PLA2G4F: variants seen among roughly 807,000 people sequenced by gnomAD.
The protein encoded by PLA2G4F is cytosolic phospholipase A2 zeta.
Under a neutral mutation model 103.1 loss-of-function variants are expected in PLA2G4F, and 105 were observed. That is an observed-to-expected ratio of 1.02 (90% CI 0.87 to 1.20). The LOEUF is 1.20. Among genes scored for constraint, PLA2G4F ranks in the 50% most tolerant of loss-of-function variants. PLA2G4F has a pLI of 0.00. For missense variants in PLA2G4F, 1,155 were observed against 1,075.9 expected, an observed-to-expected ratio of 1.07 and a Z score of -1.03; for synonymous variants, 468 against 441.1, an observed-to-expected ratio of 1.06 and a Z score of -0.76.
intron 5 of PLA2G4F, 39 bp downstream of exon 5, chr15:42,153,581 C>A (rs371489882): frequency 6.2e-7 from 1 of 1,611,652 alleles, no homozygotes; most frequent in African/African-American, 1.3e-5. Flanking sequence ...TGACTCAAAT[C>A]TCTGAGTCTC....
chr15:42,150,690 G>A lies in PLA2G4F; in HGVS notation c.689C>T (p.Pro230Leu). 1 of 1,613,738 alleles carries A rather than the reference G, an allele frequency of 6.2e-7. No homozygotes were observed. Among genetic ancestry groups the A allele is most frequent in the Non-Finnish European group, 8.5e-7 (1 of 1,179,890 alleles). Residue 230 changes from proline (P) to leucine (L), a missense_variant, in exon 8 of 20, where the codon CCA (proline) becomes CTA (leucine). Physicochemically the swap from Pro to Leu is moderately conservative, Grantham distance 98. Transcript: ENST00000397272. ...GTTCACGTGGAAGGTAAAGGTGGGT[G>A]GGAGGCCTGGCTCTGTGGGAGGCTG... Reference protein sequence around the residue: ...PLQPPTEPGLPPTFTFHVNPV... With the variant: ...PLQPPTEPGLLPTFTFHVNPV...
At chr15:42,154,598 A>C in intron 2 of PLA2G4F, 140 bp from the exon 3 acceptor site, 1 of 947,732 alleles carries the variant, frequency 1.1e-6, no homozygotes, top group South Asian at 2.1e-5. Context: ...GAGGAGGTGG[A>C]GGGAGAGCCT....
At chr15:42,156,168 C>T (rs990304704) in intron 1 of PLA2G4F, among the ~76,000 whole-genome samples, 6 of 152,182 alleles carry the variant, frequency 3.9e-5, no homozygotes, top group African/African-American at 1.4e-4. Flanking sequence ...ACCCCACCAG[C>T]TCCGTGGACT....
chr15:42,145,812 T>C lies in PLA2G4F; in HGVS notation c.1626A>G (p.Gly542=). Residue 542 remains glycine (G), a synonymous_variant, in exon 15 of 20, where the codon GGA becomes GGG. Transcript: ENST00000397272. ...TELFGSELFM[G]RLLQLQPEPR... is the part of the protein sequence containing the mutation. ...GTTCAGGCTGGAGCTGCAGCAATCG[T>C]CCCATGAAGAGTTCTGAGCCGAAGA... 1 of 1,613,974 alleles carries C rather than the reference T, an allele frequency of 6.2e-7. No homozygotes were observed. Among genetic ancestry groups the C allele is most frequent in the Non-Finnish European group, 8.5e-7 (1 of 1,179,992 alleles).
intron 10 of PLA2G4F, 71 bp from the exon 11 acceptor site, chr15:42,149,919 C>T (rs750804470): frequency 5.7e-6 from 9 of 1,569,522 alleles, no homozygotes; most frequent in Admixed American, 5.0e-5. Flanking sequence ...GCCTTGGGCC[C>T]AGCCCAGGTC....
rs376799222 is a variant in PLA2G4F at position 42,144,105 on chromosome 15, A to G, written c.2015T>C (p.Met672Thr). 4.3e-6 allele frequency: 7 copies of G among 1,613,686 alleles called. No homozygotes were observed. The highest frequency in any genetic ancestry group is 1.1e-5 in the South Asian group (1 of 91,012). The stretch of plus-strand genomic sequence containing the variant: ...GTCCACCAGGTACAGGCAGTCCCGC[A>G]TGGGGGTGAGCTGGTTGGGGAAGGC... Reference protein sequence around the residue: ...PDAFPNQLTPMRDCLYLVDGG... With the variant: ...PDAFPNQLTPTRDCLYLVDGG... The change falls in exon 18 of 20, where the codon ATG becomes ACG. Residue 672 changes from methionine to threonine, a missense_variant. Physicochemically the swap from Met to Thr is moderately conservative, Grantham distance 81. Coordinates refer to ENST00000397272, the MANE Select transcript of PLA2G4F (RefSeq NM_213600.4).
rs140757665 is a variant in PLA2G4F at position 42,152,200 on chromosome 15, C to G, written c.601+488G>C. Among the ~76,000 whole-genome samples, 655 of 152,358 alleles carry G rather than the reference C, an allele frequency of 4.3e-3. 5 individuals carry two copies. The highest frequency in any genetic ancestry group is 0.015 in the African/African-American group (625 of 41,588). ...GCCAACTATATACCCTGCCCTCCAG[C>G]TTTGAGTTCAACCCTGTTTTGGCCA... On this transcript the variant is annotated intron_variant, in intron 7 of 19. Transcript: ENST00000397272.
At chr15:42,149,288 C>T (rs2048927724) in intron 11 of PLA2G4F, 1 of 656,634 alleles carries the variant, frequency 1.5e-6, no homozygotes, top group African/African-American at 2.0e-5. Flanking sequence ...GACTGGGGTC[C>T]TTAGAAGAGG....
Position 42,154,462 on chromosome 15 carries a change from C to A in PLA2G4F, c.185-4G>T. On this transcript the variant is annotated splice_polypyrimidine_tract_variant and splice_region_variant and intron_variant, in intron 2 of 19. Coordinates refer to ENST00000397272, the MANE Select transcript of PLA2G4F (RefSeq NM_213600.4). The stretch of plus-strand genomic sequence containing the variant: ...ACATAGCAGTCGGCTTTGGACACTG[C>A]AGGTAGGACAGGGAGGGGCCGGGGC... The A allele has an allele frequency of 2.6e-6, 4 of 1,562,524 alleles. No individual in the cohort carries two copies. Among genetic ancestry groups the A allele is most frequent in the Non-Finnish European group, 3.5e-6 (4 of 1,151,830 alleles).
chr15:42,152,838 T>C, intron 6 of PLA2G4F, 84 bp from the exon 7 acceptor site: 1 of 1,337,514 alleles, frequency 7.5e-7, no homozygotes, highest in Non-Finnish European at 1.0e-6. Context: ...TAGGGCAGGG[T>C]CTGGGAAACA....
chr15:42,149,548 T>G (rs1210230163), intron 11 of PLA2G4F, 165 bp downstream of exon 11: 1 of 985,244 alleles, frequency 1.0e-6, no homozygotes, highest in Non-Finnish European at 1.2e-6. Context: ...CCAGGGCCGT[T>G]TGGCCCTGGT....
chr15:42,142,923 G>A (rs1414686956), intron 18 of PLA2G4F, among the ~76,000 whole-genome samples: 1 of 152,038 alleles, frequency 6.6e-6, no homozygotes, highest in Non-Finnish European at 1.5e-5. Context: ...GCTCATGCCT[G>A]TAATCCCAGC....
intron 2 of PLA2G4F, among the ~76,000 whole-genome samples, chr15:42,155,095 A>G (rs2049001493): frequency 6.8e-6 from 1 of 147,804 alleles, no homozygotes. Context: ...ACACACGTAT[A>G]CACACATACA....
At chr15:42,149,555 T>C (rs528965283) in intron 11 of PLA2G4F, 158 bp downstream of exon 11, 94 of 985,404 alleles carry the variant, frequency 9.5e-5, no homozygotes, top group Admixed American at 4.9e-4. Context: ...CGTTTGGCCC[T>C]GGTCCCATAT....
intron 11 of PLA2G4F, chr15:42,149,055 G>T (rs1037956165): frequency 1.1e-5 from 11 of 985,224 alleles, no homozygotes; most frequent in East Asian, 1.1e-4. Flanking sequence ...CTCTCAGCAC[G>T]CCTTTCCTCC....
intron 18 of PLA2G4F, among the ~76,000 whole-genome samples, chr15:42,143,371 A>G (rs2141125465): frequency 6.6e-6 from 1 of 152,184 alleles, no homozygotes. Context: ...TCAGTTTCAC[A>G]AGGTTGACAT....
At chr15:42,149,284 G>A (rs1324249756) in intron 11 of PLA2G4F, 2 of 671,766 alleles carry the variant, frequency 3.0e-6, no homozygotes, top group East Asian at 1.4e-4. Context: ...ATAGGACTGG[G>A]GTCCTTAGAA....
In PLA2G4F at chr15:42,143,980, CA is replaced by C; in HGVS notation, c.2139del (p.Phe713LeufsTer4). 3 of 1,603,440 alleles carry C rather than the reference CA, an allele frequency of 1.9e-6. No individual in the cohort carries two copies. The highest frequency in any genetic ancestry group is 2.6e-6 in the Non-Finnish European group (3 of 1,173,570). ...CACATCCCTGCCTCCCAGCTCACCTCAAAAGGGGCTTCCAAGGAATAGTCAA... is the reference window on the plus strand; with the variant it reads ...CACATCCCTGCCTCCCAGCTCACCTCAAAGGGGCTTCCAAGGAATAGTCAA... ...LSFDYSLEAP[F>X]EVLKMTEKYC... On this transcript the variant is annotated frameshift_variant, in exon 18 of 20. Transcript: ENST00000397272. LOFTEE classifies it high-confidence loss of function.
chr15:42,144,383 G>T, intron 17 of PLA2G4F, 67 bp downstream of exon 17: 1 of 1,574,144 alleles, frequency 6.4e-7, no homozygotes, highest in Non-Finnish European at 8.7e-7. Flanking sequence ...GCCAGCACTG[G>T]CTCCAGTGAG....
Sources: allele counts gnomAD v4.1 joint callset (sites outside exome capture counted in the v4.1 genomes callset), GRCh38; gene constraint gnomAD v4.1.1; transcripts MANE v1.5; gene names NCBI Gene and HGNC (gene_info 2026-07-23, HGNC 2026-07-21).